COL1A1: variants seen among roughly 807,000 people sequenced by gnomAD.
The protein encoded by COL1A1 is collagen type I alpha 1 chain.
In COL1A1, 21 loss-of-function variants were observed where a neutral mutation model predicts 195.7. That is an observed-to-expected ratio of 0.11 (90% confidence interval 0.08 to 0.15). The LOEUF (loss-of-function observed/expected upper bound fraction) is 0.15. COL1A1 is among the 10% of genes least tolerant of loss of function. COL1A1 has a pLI of 1.00. For missense variants in COL1A1, 1,365 were observed against 2,051.0 expected (o/e 0.67, Z 6.46); for synonymous variants, 749 against 747.3 (o/e 1.00, Z -0.04).
intron 31 of COL1A1, 89 bp from the exon 32 acceptor site, chr17:50,191,579 G>T: frequency 1.5e-6 from 2 of 1,331,426 alleles, no homozygotes; most frequent in Non-Finnish European, 2.1e-6. Context: ...TCCCAGGCTT[G>T]TTTCCAAGGC....
chr17:50,196,410 C>T, intron 13 of COL1A1, 43 bp from the exon 14 acceptor site: 1 of 1,613,846 alleles, frequency 6.2e-7, no homozygotes, highest in South Asian at 1.1e-5. Flanking sequence ...TGGGAGACAG[C>T]CTTGTTCCCC....
chr17:50,193,160 T>G lies in COL1A1; in HGVS notation c.1768-113A>C. 2.7e-6 allele frequency: 3 copies of G among 1,111,586 alleles called. No homozygotes were observed. In the Admixed American group the frequency reaches 6.1e-5, roughly 23 times the overall value. 68.9% of individuals were successfully genotyped at this position (1,111,586 alleles called of 1,614,324 possible). ...TTAAGGGACTTTCTTTTCAAAAGAC[T>G]GTTTGGCCCCCGGGGAATGCCCCTG... On this transcript the variant is annotated intron_variant, in intron 25 of 50. Coordinates refer to ENST00000225964, the MANE Select transcript of COL1A1 (RefSeq NM_000088.4).
chr17:50,200,491 G>A (rs950576613), intron 1 of COL1A1, among the ~76,000 whole-genome samples: 2 of 152,088 alleles, frequency 1.3e-5, no homozygotes, highest in Non-Finnish European at 2.9e-5. Flanking sequence ...TCAAAATTAG[G>A]AGACACCCTA....
chr17:50,186,555 C>A lies in COL1A1; in HGVS notation c.3815-48G>T. On this transcript the variant is annotated intron_variant, in intron 48 of 50. Transcript: ENST00000225964. The surrounding 1 kb of genome is among the most constrained non-coding windows in gnomAD (Gnocchi z 5.3). Reference sequence around the variant, plus strand: ...GGAGTCAGGGAAAGGGAGCAGCCAGCACCATATGGTAGGGGCACATATGGG... The same window carrying A: ...GGAGTCAGGGAAAGGGAGCAGCCAGAACCATATGGTAGGGGCACATATGGG... 3 of 1,613,444 alleles carry A rather than the reference C, an allele frequency of 1.9e-6. No homozygotes were observed. Among genetic ancestry groups the A allele is most frequent in the Non-Finnish European group, 2.5e-6 (3 of 1,179,500 alleles).
At chr17:50,187,373 G>T in intron 46 of COL1A1, 111 bp downstream of exon 46, 1 of 1,115,496 alleles carries the variant, frequency 9.0e-7, no homozygotes, top group Non-Finnish European at 1.3e-6. Flanking sequence ...CCCACTCCCT[G>T]TCCCTGAACC....
rs200355573 is a variant in COL1A1 at position 50,189,550 on chromosome 17, T to C, written c.2668-12A>G. 5.1e-5 allele frequency: 82 copies of C among 1,612,080 alleles called. No homozygotes were observed. In the African/African-American group the frequency reaches 9.9e-4, roughly 20 times the overall value. On this transcript the variant is annotated splice_polypyrimidine_tract_variant and intron_variant, in intron 38 of 50. Transcript: ENST00000225964. This position sits in a 1 kb window ranked among gnomAD's most constrained non-coding sequence, Gnocchi z 5.5. ...GGTCCAGCATTTCCCTGGATGAGGATAGGAGGGGCTGTCAGACTCCAGGGG... is the reference window on the plus strand; with the variant it reads ...GGTCCAGCATTTCCCTGGATGAGGACAGGAGGGGCTGTCAGACTCCAGGGG...
Position 50,194,806 on chromosome 17 carries a change from G to T in COL1A1, c.1376C>A (p.Pro459His). ...TCCTTCCTCTCCAGCAGGGCCAGGG[G>T]GTCCTTGAACACCAACAGGGCCCTG... ...GEPGPVGVQG[P>H]PGPAGEEGKR... Residue 459 changes from proline to histidine, a missense_variant, in exon 21 of 51, where the codon CCC becomes CAC. By Grantham distance (77) the Pro-to-His change is moderately conservative. Coordinates refer to ENST00000225964, the MANE Select transcript of COL1A1 (RefSeq NM_000088.4). The surrounding 1 kb of genome is among the most constrained non-coding windows in gnomAD (Gnocchi z 6.8). The T allele has an allele frequency of 6.4e-7, 1 of 1,570,012 alleles. No homozygotes were observed. The highest frequency in any genetic ancestry group is 2.4e-5 in the East Asian group (1 of 42,056).
rs1246654267 is a variant in COL1A1, at chr17:50,198,223, A to AG, written c.544-19dup. 1.9e-6 allele frequency: 3 copies of AG among 1,613,788 alleles called. No homozygotes were observed. The highest frequency in any genetic ancestry group is 2.7e-5 in the African/African-American group (2 of 74,880). The stretch of plus-strand genomic sequence containing the variant: ...GAGGGACCCTATAGAGGGAGAAGAA[A>AG]GGGGGGTCATGGTGATCCCTCTGTA... On this transcript the variant is annotated intron_variant, in intron 6 of 50. Transcript: ENST00000225964.
Position 50,194,467 on chromosome 17 carries a change from G to A in COL1A1, c.1516-20C>T. On this transcript the variant is annotated intron_variant, in intron 22 of 50. Coordinates refer to ENST00000225964, the MANE Select transcript of COL1A1 (RefSeq NM_000088.4). This position sits in a 1 kb window ranked among gnomAD's most constrained non-coding sequence, Gnocchi z 6.8. ...GGGACCCTGGTTGGGGGAAGTCACA[G>A]GAACAGTTAGGGTCTCAAGTTTGTG... 6.2e-7 allele frequency: 1 copy of A among 1,613,852 alleles called. No homozygotes were observed. The highest frequency in any genetic ancestry group is 2.2e-5 in the East Asian group (1 of 44,870).
At chr17:50,191,651 G>A (rs1907085861) in intron 31 of COL1A1, 137 bp downstream of exon 31, 5 of 1,131,602 alleles carry the variant, frequency 4.4e-6, no homozygotes, top group Non-Finnish European at 5.2e-6. Flanking sequence ...CTGTGTGTGG[G>A]CCCCTGCCCT....
chr17:50,200,920 CAA>C (rs1311824634), intron 1 of COL1A1, among the ~76,000 whole-genome samples: 1 of 152,250 alleles, frequency 6.6e-6, no homozygotes, highest in African/African-American at 2.4e-5. Context: ...GAGTCCGCGC[CAA>C]AGTTTCTCAT....
Position 50,188,120 on chromosome 17 carries a change from G to T in COL1A1, c.3237C>A (p.Gly1079=), listed in dbSNP as rs374853330. Residue 1079 remains glycine (G), a synonymous_variant, in exon 44 of 51, where the codon GGC becomes GGA. Transcript: ENST00000225964. This position sits in a 1 kb window ranked among gnomAD's most constrained non-coding sequence, Gnocchi z 5.6. ...CGGCGGGGCCACGGGCGCCAACAGGGCCGACAGGACCGGCGGGACCAGCAG... is the reference window on the plus strand; with the variant it reads ...CGGCGGGGCCACGGGCGCCAACAGGTCCGACAGGACCGGCGGGACCAGCAG... ...TGPAGPAGPV[G]PVGARGPAGP... 358 of 1,580,858 alleles carry T rather than the reference G, an allele frequency of 2.3e-4. No homozygotes were observed. The highest frequency in any genetic ancestry group is 3.0e-4 in the Non-Finnish European group (343 of 1,161,944).
At chr17:50,200,413 G>C (rs1907983464) in intron 1 of COL1A1, among the ~76,000 whole-genome samples, 1 of 152,064 alleles carries the variant, frequency 6.6e-6, no homozygotes, top group Non-Finnish European at 1.5e-5. Context: ...GTGGGGTGGC[G>C]GGGGCGGGGC....
Position 50,190,132 on chromosome 17 carries a change from A to G in COL1A1, c.2452-24T>C. 6.3e-7 allele frequency: 1 copy of G among 1,597,718 alleles called. No homozygotes were observed. Among genetic ancestry groups the G allele is most frequent in the Non-Finnish European group, 8.6e-7 (1 of 1,166,436 alleles). On this transcript the variant is annotated intron_variant, in intron 35 of 50. Coordinates refer to ENST00000225964, the MANE Select transcript of COL1A1 (RefSeq NM_000088.4). The surrounding 1 kb of genome is among the most constrained non-coding windows in gnomAD (Gnocchi z 4.7). ...CCCTGGGGGAGGAAGCAGGGCGGTG[A>G]ATGGAGGGAAGGAGGCAGGAGTTTC...
intron 31 of COL1A1, 45 bp from the exon 32 acceptor site, chr17:50,191,535 G>A: frequency 6.4e-7 from 1 of 1,565,862 alleles, no homozygotes; most frequent in South Asian, 1.1e-5. Context: ...GGGGCCCCAA[G>A]AGTGGGTCAC....
Position 50,189,417 on chromosome 17 carries a change from G to A in COL1A1, c.2789C>T (p.Pro930Leu), listed in dbSNP as rs776336757. The A allele has an allele frequency of 6.2e-7, 1 of 1,613,916 alleles. No individual in the cohort carries two copies. Among genetic ancestry groups the A allele is most frequent in the African/African-American group, 1.3e-5 (1 of 74,990 alleles). The change falls in exon 39 of 51, where the codon CCT (proline) becomes CTT (leucine). Residue 930 changes from proline to leucine, a missense_variant. Pro to Leu is a moderately conservative substitution (Grantham distance 98). Coordinates refer to ENST00000225964, the MANE Select transcript of COL1A1 (RefSeq NM_000088.4). The surrounding 1 kb of genome is among the most constrained non-coding windows in gnomAD (Gnocchi z 5.5). Reference protein sequence around the residue: ...GEVGPPGPPGPAGEKGSPGAD... With the variant: ...GEVGPPGPPGLAGEKGSPGAD... ...ACCAGGGGATCCTTTCTCGCCAGCA[G>A]GGCCAGGGGGACCAGGGGGACCAAC... is the stretch of plus-strand genomic sequence containing the variant.
At chr17:50,200,037 T>G in intron 1 of COL1A1, 90 bp from the exon 2 acceptor site, 1 of 1,353,900 alleles carries the variant, frequency 7.4e-7, no homozygotes, top group Non-Finnish European at 1.1e-6. Flanking sequence ...CACACTTGGA[T>G]TTTTCACTTC....
In COL1A1 at chr17:50,191,371, G is replaced by A. The variant is rs1031641821; in HGVS notation, c.2235+12C>T. On this transcript the variant is annotated intron_variant, in intron 32 of 50. Transcript: ENST00000225964. The stretch of plus-strand genomic sequence containing the variant: ...CATGTAGGGCTCAGGGGAGGGGGAA[G>A]GTTGAACTTACTCTGTCACCCTTAG... The A allele has an allele frequency of 1.9e-6, 3 of 1,611,548 alleles. No individual in the cohort carries two copies. The highest frequency in any genetic ancestry group is 2.5e-6 in the Non-Finnish European group (3 of 1,177,784).
chr17:50,198,176 G>A lies in COL1A1; in HGVS notation c.573C>T (p.Gly191=), dbSNP rs1162321647. The A allele has an allele frequency of 1.2e-6, 2 of 1,614,010 alleles. No individual in the cohort carries two copies. The highest frequency in any genetic ancestry group is 1.7e-6 in the Non-Finnish European group (2 of 1,180,010). ...MGPSGPRGLP[G]PPGAPGPQGF... The stretch of plus-strand genomic sequence containing the variant: ...GGATACTCACAGGTGCACCAGGGGG[G>A]CCAGGGAGACCACGAGGACCAGAGG... Residue 191 remains glycine, a synonymous_variant, in exon 7 of 51, where the codon GGC becomes GGT. Coordinates refer to ENST00000225964, the MANE Select transcript of COL1A1 (RefSeq NM_000088.4).
Sources: gnomAD v4.1 joint callset for allele counts (sites outside exome capture counted in the v4.1 genomes callset) on GRCh38, gnomAD v4.1.1 for gene constraint, Gnocchi (gnomAD v3.1) non-coding constraint, MANE v1.5 for transcripts, NCBI Gene and HGNC (gene_info 2026-07-23, HGNC 2026-07-21) for gene names.